The following SYT17 variants were observed in gnomAD, a reference collection of about 807,000 sequenced individuals.
The protein encoded by SYT17 is synaptotagmin-17.
Under a neutral mutation model 46.7 loss-of-function variants are expected in SYT17, and 22 were observed. That is an observed-to-expected ratio of 0.47 (90% CI 0.34 to 0.67). The LOEUF is 0.67. Ranked by LOEUF, SYT17 falls within the 30% of genes least tolerant of loss-of-function variation. The probability of loss-of-function intolerance (pLI) is 0.01; values close to 1 mark genes in which losing one functional copy is unlikely to be tolerated. For missense variants in SYT17, 519 were observed against 612.8 expected (o/e 0.85, Z 1.62); for synonymous variants, 251 against 248.4 (o/e 1.01, Z -0.10).
At chr16:19,245,268 C>T (rs1967455609) in intron 7 of SYT17, among the ~76,000 whole-genome samples, 1 of 152,176 alleles carries the variant, frequency 6.6e-6, no homozygotes, top group Non-Finnish European at 1.5e-5. Context: ...ATTGTCACAG[C>T]TCAGGGATGC....
At chr16:19,201,010 C>G (rs1188639430) in intron 5 of SYT17, among the ~76,000 whole-genome samples, 3 of 152,164 alleles carry the variant, frequency 2.0e-5, no homozygotes, top group Non-Finnish European at 4.4e-5. Flanking sequence ...GACTCCCCAC[C>G]ACCCAGGGCT....
At chr16:19,205,420 C>T (rs1329084696) in intron 5 of SYT17, among the ~76,000 whole-genome samples, 1 of 150,566 alleles carries the variant, frequency 6.6e-6, no homozygotes, top group Non-Finnish European at 1.5e-5. Context: ...GTTACCATCT[C>T]AGAGAGGCCT....
intron 5 of SYT17, among the ~76,000 whole-genome samples, chr16:19,195,965 A>G (rs1392361913): frequency 6.6e-6 from 1 of 152,098 alleles, no homozygotes; most frequent in Non-Finnish European, 1.5e-5. Context: ...AGCCTGGGTG[A>G]CAGAGCCGGA....
intron 5 of SYT17, among the ~76,000 whole-genome samples, chr16:19,202,719 C>T (rs182527029): frequency 2.3e-4 from 35 of 152,154 alleles, no homozygotes; most frequent in African/African-American, 6.7e-4. Context: ...CTGGAGATTC[C>T]GGGCATTTTA....
intron 7 of SYT17, among the ~76,000 whole-genome samples, chr16:19,266,039 T>G (rs1969331610): frequency 6.6e-6 from 1 of 152,250 alleles, no homozygotes; most frequent in African/African-American, 2.4e-5. Context: ...TGCTTGGCAC[T>G]GTGTGCTGAG....
At position 19,235,683 on chromosome 16, in the gene SYT17, G is replaced by A. The variant is rs115793111; in HGVS notation, c.1228+10845G>A. Among the ~76,000 whole-genome samples the A allele has an allele frequency of 7.0e-3, 1,071 of 152,284 alleles. 13 individuals are homozygous for A. The highest frequency in any genetic ancestry group is 0.025 in the African/African-American group (1,032 of 41,552). Reference sequence around the variant, plus strand: ...TATAACCATGCTCCACGAAGTAAGGGTGAACCCTCTTGAAAAGAATGATAA... The same window carrying A: ...TATAACCATGCTCCACGAAGTAAGGATGAACCCTCTTGAAAAGAATGATAA... On this transcript the variant is annotated intron_variant, in intron 7 of 7. Coordinates refer to ENST00000355377, the MANE Select transcript of SYT17 (RefSeq NM_016524.4).
chr16:19,224,962 G>C, intron 7 of SYT17, 124 bp downstream of exon 7: 2 of 1,071,112 alleles, frequency 1.9e-6, no homozygotes, highest in Non-Finnish European at 2.7e-6. Context: ...CAACTACCTG[G>C]GTTTGAACCC....
chr16:19,205,369 C>G (rs901735525), intron 5 of SYT17, among the ~76,000 whole-genome samples: 5 of 152,044 alleles, frequency 3.3e-5, no homozygotes, highest in Non-Finnish European at 5.9e-5. Flanking sequence ...GGAATGCTGT[C>G]CCCCCAGATA....
chr16:19,249,792 T>C (rs1480527533), intron 7 of SYT17: 2 of 705,956 alleles, frequency 2.8e-6, no homozygotes, highest in Non-Finnish European at 4.4e-6. Context: ...GTTCAGGCCC[T>C]GGTTGGTGTT....
At chr16:19,203,907 T>C (rs1965564821) in intron 5 of SYT17, among the ~76,000 whole-genome samples, 2 of 152,180 alleles carry the variant, frequency 1.3e-5, no homozygotes, top group African/African-American at 2.4e-5. Context: ...AGTTTTACCG[T>C]GTGGGCAATG....
chr16:19,184,342 G>A (rs1275721991), intron 5 of SYT17, among the ~76,000 whole-genome samples, 195 bp downstream of exon 5: 1 of 151,794 alleles, frequency 6.6e-6, no homozygotes, highest in African/African-American at 2.4e-5. Flanking sequence ...AGCATCTTAC[G>A]CAACCAGGAA....
At chr16:19,193,868 A>G (rs958950282) in intron 5 of SYT17, among the ~76,000 whole-genome samples, 1 of 152,180 alleles carries the variant, frequency 6.6e-6, no homozygotes, top group African/African-American at 2.4e-5. Flanking sequence ...GGCACCTCCA[A>G]CTTGCCTTGT....
At chr16:19,226,551 GGGGAT>G (rs1567221263) in intron 7 of SYT17, among the ~76,000 whole-genome samples, 2 of 152,216 alleles carry the variant, frequency 1.3e-5, no homozygotes, top group Admixed American at 6.5e-5. Flanking sequence ...CGTTGAATCA[GGGGAT>G]GCCTGCCATA....
chr16:19,195,907 C>T (rs1965221543), intron 5 of SYT17, among the ~76,000 whole-genome samples: 1 of 152,086 alleles, frequency 6.6e-6, no homozygotes, highest in Admixed American at 6.6e-5. Flanking sequence ...ATCACTTGAG[C>T]ATGGGAGGTG....
chr16:19,254,402 T>C (rs2142998393), intron 7 of SYT17, among the ~76,000 whole-genome samples: 1 of 152,298 alleles, frequency 6.6e-6, no homozygotes, highest in South Asian at 2.1e-4. Flanking sequence ...GGGGAGCATT[T>C]GAAAACCAGT....
rs1414261466 is a variant in SYT17, at chr16:19,173,328, G to A, written c.34-102G>A. Reference sequence around the variant, plus strand: ...GAATGTCTATTTCTCATCCGAGATCGGCTGCTTGTAATTTTGGGTGTTGTT... The same window carrying A: ...GAATGTCTATTTCTCATCCGAGATCAGCTGCTTGTAATTTTGGGTGTTGTT... On this transcript the variant is annotated intron_variant, in intron 2 of 7. Coordinates refer to ENST00000355377, the MANE Select transcript of SYT17 (RefSeq NM_016524.4). 42 of 721,280 alleles carry A rather than the reference G, an allele frequency of 5.8e-5. No individual in the cohort carries two copies. The East Asian group carries it at 7.6e-4, about 13-fold the overall frequency. 44.7% of individuals were successfully genotyped at this position (721,280 alleles called of 1,614,324 possible).
At chr16:19,192,148 G>A (rs957071947) in intron 5 of SYT17, among the ~76,000 whole-genome samples, 2 of 152,146 alleles carry the variant, frequency 1.3e-5, no homozygotes, top group Non-Finnish European at 2.9e-5. Context: ...GGCCAGGCAC[G>A]GTGCCTCACA....
At chr16:19,221,530 A>C (rs1332683895) in intron 5 of SYT17, among the ~76,000 whole-genome samples, 1 of 152,248 alleles carries the variant, frequency 6.6e-6, no homozygotes, top group African/African-American at 2.4e-5. Flanking sequence ...GTTTGTTAGC[A>C]ACTTCTGAGT....
intron 3 of SYT17, among the ~76,000 whole-genome samples, chr16:19,175,405 G>T (rs913498839): frequency 6.6e-6 from 1 of 151,950 alleles, no homozygotes. Flanking sequence ...TGTAATCCCA[G>T]TGCTTTGGGA....
Sources: allele counts gnomAD v4.1 joint callset (sites outside exome capture counted in the v4.1 genomes callset), GRCh38; gene constraint gnomAD v4.1.1; transcripts MANE v1.5; gene names NCBI Gene and HGNC (gene_info 2026-07-23, HGNC 2026-07-21).